The following SLC24A2 variants were observed in gnomAD, a reference collection of about 807,000 sequenced individuals.
SLC24A2 encodes sodium/potassium/calcium exchanger 2.
In SLC24A2, 36 loss-of-function variants were observed where a neutral mutation model predicts 62.0. The observed-to-expected ratio is 0.58, with a 90% confidence interval of 0.44 to 0.77. The LOEUF (loss-of-function observed/expected upper bound fraction) is 0.77, where lower values mean the gene tolerates loss of function less well. Ranked by LOEUF, SLC24A2 falls within the 30% of genes least tolerant of loss-of-function variation. The probability of loss-of-function intolerance (pLI) is 0.00; values close to 1 mark genes in which losing one functional copy is unlikely to be tolerated. For synonymous variants in SLC24A2, 358 were observed against 294.0 expected (o/e 1.22, Z -2.23); for missense variants, 846 against 817.9 (o/e 1.03, Z -0.42).
At chr9:19,780,166 CTGAG>C (rs1329135034) in intron 2 of SLC24A2, among the ~76,000 whole-genome samples, 1 of 152,156 alleles carries the variant, frequency 6.6e-6, no homozygotes, top group Non-Finnish European at 1.5e-5. Context: ...GAAGTGGTGA[CTGAG>C]TAATTTTCTA....
the SLC24A2 span, among the ~76,000 whole-genome samples, chr9:19,854,801 C>T: frequency 1.3e-5 from 2 of 152,080 alleles, no homozygotes; most frequent in Admixed American, 6.6e-5. Flanking sequence ...AGATGTCTAT[C>T]AGGTCCACTT....
intron 5 of SLC24A2, among the ~76,000 whole-genome samples, chr9:19,582,423 A>G (rs1041100282): frequency 1.2e-4 from 19 of 152,214 alleles, no homozygotes; most frequent in Non-Finnish European, 2.1e-4. Flanking sequence ...GAACATTCTA[A>G]GCATCTGCAA....
At chr9:20,252,038 A>G in the SLC24A2 span, among the ~76,000 whole-genome samples, 6 of 152,222 alleles carry the variant, frequency 3.9e-5, no homozygotes, top group African/African-American at 1.4e-4. Flanking sequence ...ATCACTGTCA[A>G]AGGGAATGGG....
chr9:19,530,972 G>A (rs1207864570), intron 8 of SLC24A2, among the ~76,000 whole-genome samples: 1 of 151,966 alleles, frequency 6.6e-6, no homozygotes, highest in Non-Finnish European at 1.5e-5. Context: ...GGCCAATAAT[G>A]CTCAAAATAT....
At chr9:19,900,639 A>C in the SLC24A2 span, among the ~76,000 whole-genome samples, 5 of 152,222 alleles carry the variant, frequency 3.3e-5, no homozygotes, top group African/African-American at 4.8e-5. Context: ...AAATGAAACA[A>C]AGTATGCAAA....
chr9:19,817,690 G>T, the SLC24A2 span, among the ~76,000 whole-genome samples: 8 of 151,822 alleles, frequency 5.3e-5, no homozygotes, highest in African/African-American at 1.9e-4. Flanking sequence ...AATTCTGCTT[G>T]CACCAAATCC....
chr9:20,210,561 C>T, the SLC24A2 span, among the ~76,000 whole-genome samples: 9 of 150,714 alleles, frequency 6.0e-5, no homozygotes, highest in African/African-American at 2.0e-4. Flanking sequence ...GCAAGCTCCG[C>T]CTCCCGGGTT....
intron 2 of SLC24A2, among the ~76,000 whole-genome samples, chr9:19,774,018 T>C (rs995387686): frequency 1.4e-4 from 21 of 152,102 alleles, no homozygotes; most frequent in Non-Finnish European, 2.6e-4. Flanking sequence ...TTCATATGGC[T>C]GCAAGGGAGA....
At chr9:19,607,889 A>G (rs910912127) in intron 4 of SLC24A2, among the ~76,000 whole-genome samples, 8 of 152,198 alleles carry the variant, frequency 5.3e-5, no homozygotes, top group Non-Finnish European at 1.0e-4. Flanking sequence ...AAATAACATT[A>G]ATTTATAATG....
the SLC24A2 span, among the ~76,000 whole-genome samples, chr9:20,110,717 A>G: frequency 1.3e-5 from 2 of 152,190 alleles, no homozygotes; most frequent in Admixed American, 1.3e-4. Context: ...TTTTAAGGGA[A>G]GGAAAAAAAT....
Position 19,521,045 on chromosome 9 carries a change from C to A in SLC24A2, c.1585G>T (p.Gly529Cys). Residue 529 changes from glycine to cysteine, a missense_variant, in exon 10 of 11, where the codon GGC becomes TGC. Physicochemically the swap from Gly to Cys is radical, Grantham distance 159. Coordinates refer to ENST00000341998, the MANE Select transcript of SLC24A2 (RefSeq NM_020344.4). ...AGGCCCATAATCTCTTCACTGATGCCAATTGTCTCTCCAACCTAAATGTCA... is the reference window on the plus strand; with the variant it reads ...AGGCCCATAATCTCTTCACTGATGCAAATTGTCTCTCCAACCTAAATGTCA... ...WWAHQVGETI[G>C]ISEEIMGLTI... The A allele has an allele frequency of 6.2e-7, 1 of 1,614,010 alleles. No individual in the cohort carries two copies. Among genetic ancestry groups the A allele is most frequent in the Non-Finnish European group, 8.5e-7 (1 of 1,179,910 alleles).
chr9:20,273,598 C>A, the SLC24A2 span, among the ~76,000 whole-genome samples: 1 of 152,178 alleles, frequency 6.6e-6, no homozygotes, highest in Admixed American at 6.5e-5. Flanking sequence ...TTGCCTGCTG[C>A]CATCCACATA....
chr9:19,934,370 C>A, the SLC24A2 span, among the ~76,000 whole-genome samples: 3 of 152,188 alleles, frequency 2.0e-5, no homozygotes, highest in African/African-American at 4.8e-5. The surrounding 1 kb of genome is among the most constrained non-coding windows in gnomAD (Gnocchi z 4.1). Flanking sequence ...TTTTCCAAAG[C>A]GGCCTCCATG....
intron 2 of SLC24A2, among the ~76,000 whole-genome samples, chr9:19,784,584 G>A (rs1384190936): frequency 2.6e-5 from 4 of 152,208 alleles, no homozygotes; most frequent in East Asian, 1.9e-4. Context: ...CCACCCAAAC[G>A]GACTCGAGGA....
intron 2 of SLC24A2, among the ~76,000 whole-genome samples, chr9:19,743,328 T>C (rs571079755): frequency 2.0e-5 from 3 of 152,296 alleles, no homozygotes; most frequent in South Asian, 4.1e-4. Context: ...TTATAAATTA[T>C]AGAGAATTTT....
At chr9:20,119,003 G>A in the SLC24A2 span, among the ~76,000 whole-genome samples, 1 of 152,158 alleles carries the variant, frequency 6.6e-6, no homozygotes, top group African/African-American at 2.4e-5. Flanking sequence ...CTTTGAAGAA[G>A]TGGCCATGTT....
At chr9:20,084,409 A>C in the SLC24A2 span, among the ~76,000 whole-genome samples, 1 of 152,084 alleles carries the variant, frequency 6.6e-6, no homozygotes, top group East Asian at 1.9e-4. Flanking sequence ...ATTGGGAAAC[A>C]CTACAAATCA....
chr9:19,764,800 G>C (rs1392983232), intron 2 of SLC24A2, among the ~76,000 whole-genome samples: 1 of 152,186 alleles, frequency 6.6e-6, no homozygotes, highest in South Asian at 2.1e-4. Context: ...GAGTTCTGTA[G>C]ATGTCTATTA....
chr9:19,561,566 C>G (rs914276886), intron 7 of SLC24A2, among the ~76,000 whole-genome samples: 1 of 151,370 alleles, frequency 6.6e-6, no homozygotes, highest in East Asian at 2.0e-4. Flanking sequence ...TCCCGAGTAG[C>G]TGGGACTACA....
Sources: gnomAD v4.1 joint callset for allele counts (sites outside exome capture counted in the v4.1 genomes callset) on GRCh38, gnomAD v4.1.1 for gene constraint, Gnocchi (gnomAD v3.1) non-coding constraint, MANE v1.5 for transcripts, NCBI Gene and HGNC (gene_info 2026-07-23, HGNC 2026-07-21) for gene names.